DGKI: variants seen among roughly 807,000 people sequenced by gnomAD.
The protein encoded by DGKI is diacylglycerol kinase iota.
DGKI carries 55 observed loss-of-function variants against 147.5 expected under a neutral mutation model. The observed-to-expected ratio is 0.37, with a 90% CI of 0.30 to 0.47. The LOEUF is 0.47. Among genes scored for constraint, DGKI ranks in the 20% least tolerant of loss-of-function variants. The probability of loss-of-function intolerance (pLI) is 1.00; values close to 1 mark genes in which losing one functional copy is unlikely to be tolerated. For synonymous variants in DGKI, 469 were observed against 477.1 expected, an observed-to-expected ratio of 0.98 and a Z score of 0.22; for missense variants, 1,007 against 1,323.8, an observed-to-expected ratio of 0.76 and a Z score of 3.71.
intron 6 of DGKI, among the ~76,000 whole-genome samples, chr7:137,638,366 C>T (rs1821405803): frequency 6.8e-6 from 1 of 147,354 alleles, no homozygotes; most frequent in Admixed American, 6.9e-5. Context: ...TTCCCCAATG[C>T]TTCTTTTTTT....
intron 1 of DGKI, among the ~76,000 whole-genome samples, chr7:137,816,831 G>A (rs556988743): frequency 6.6e-6 from 1 of 152,276 alleles, no homozygotes; most frequent in African/African-American, 2.4e-5. Flanking sequence ...CAATCCAAAT[G>A]TAAAAAGATC....
At chr7:137,539,205 C>T (rs1389951182) in intron 20 of DGKI, among the ~76,000 whole-genome samples, 4 of 152,156 alleles carry the variant, frequency 2.6e-5, no homozygotes, top group Non-Finnish European at 2.9e-5. Flanking sequence ...GTGGCAGAAA[C>T]TATCATTGCT....
intron 28 of DGKI, among the ~76,000 whole-genome samples, chr7:137,435,445 G>C (rs1813243132): frequency 6.6e-6 from 1 of 152,154 alleles, no homozygotes; most frequent in Non-Finnish European, 1.5e-5. Flanking sequence ...CTGCCAGAGA[G>C]ATGGTAGGAG....
chr7:137,640,299 CAG>C (rs1265180556), intron 6 of DGKI, among the ~76,000 whole-genome samples: 1 of 152,114 alleles, frequency 6.6e-6, no homozygotes, highest in East Asian at 1.9e-4. Flanking sequence ...CTCATAGGAG[CAG>C]AGAGTAGAAC....
chr7:137,426,163 C>A (rs935348519), intron 28 of DGKI, among the ~76,000 whole-genome samples: 2 of 152,164 alleles, frequency 1.3e-5, no homozygotes, highest in African/African-American at 4.8e-5. Context: ...GGTTGGGTTA[C>A]CCACAAAGGG....
chr7:137,462,720 G>GGTTCAT (rs1272760310), intron 27 of DGKI, among the ~76,000 whole-genome samples: 1 of 152,104 alleles, frequency 6.6e-6, no homozygotes, highest in East Asian at 1.9e-4. Flanking sequence ...CAGGTAAACT[G>GGTTCAT]GAAACCAGCC....
chr7:137,450,285 G>A (rs1813901049), intron 27 of DGKI, among the ~76,000 whole-genome samples: 1 of 152,212 alleles, frequency 6.6e-6, no homozygotes, highest in Non-Finnish European at 1.5e-5. Context: ...TAGATGCTAA[G>A]TGCTCTCACA....
intron 16 of DGKI, 47 bp downstream of exon 16, chr7:137,578,223 T>C: frequency 3.0e-6 from 4 of 1,345,504 alleles, no homozygotes; most frequent in Non-Finnish European, 4.3e-6. Context: ...CACAGTGAAT[T>C]GGCAATAAGT....
intron 1 of DGKI, among the ~76,000 whole-genome samples, chr7:137,704,285 A>C (rs1793935574): frequency 6.6e-6 from 1 of 152,218 alleles, no homozygotes; most frequent in Non-Finnish European, 1.5e-5. Flanking sequence ...GCAATGTCTT[A>C]TCAAATAGAG....
intron 1 of DGKI, among the ~76,000 whole-genome samples, chr7:137,788,993 A>G (rs1189149402): frequency 2.0e-5 from 3 of 152,246 alleles, no homozygotes; most frequent in Non-Finnish European, 4.4e-5. Flanking sequence ...ATTTGTTTAA[A>G]TGAATTACAG....
At chr7:137,839,357 A>C (rs1291825171) in intron 1 of DGKI, among the ~76,000 whole-genome samples, 2 of 152,256 alleles carry the variant, frequency 1.3e-5, no homozygotes, top group Admixed American at 6.5e-5. Flanking sequence ...TCATTTTCAT[A>C]TTACCTGAAT....
At position 137,656,506 on chromosome 7, in the gene DGKI, T is replaced by G. The variant is rs1443271353; in HGVS notation, c.641A>C (p.Lys214Thr). The change falls in exon 4 of 33, where the codon AAA becomes ACA. Residue 214 changes from lysine to threonine, a missense_variant. Transcript: ENST00000614521. ...SALRRKCAVC[K>T]IVVHTACIEQ... Reference sequence around the variant, plus strand: ...AATGCAGGCGGTGTGGACGACGATTTTACAGACTGCACACTTCCTCCTGAG... The same window carrying G: ...AATGCAGGCGGTGTGGACGACGATTGTACAGACTGCACACTTCCTCCTGAG... The G allele has an allele frequency of 6.2e-7, 1 of 1,614,202 alleles. No individual in the cohort carries two copies. Among genetic ancestry groups the G allele is most frequent in the Admixed American group, 1.7e-5 (1 of 60,034 alleles).
intron 10 of DGKI, among the ~76,000 whole-genome samples, chr7:137,607,363 T>C (rs1820216450): frequency 6.6e-6 from 1 of 152,222 alleles, no homozygotes; most frequent in African/African-American, 2.4e-5. Context: ...AAATTCATTT[T>C]AAGCTTCCTT....
At chr7:137,437,473 A>G (rs1004876367) in intron 28 of DGKI, among the ~76,000 whole-genome samples, 37 of 152,208 alleles carry the variant, frequency 2.4e-4, no homozygotes, top group Non-Finnish European at 1.5e-5. Flanking sequence ...GAAGGAAATT[A>G]TAAAACTCTA....
chr7:137,464,256 CAAAAAAAAA>C lies in DGKI; in HGVS notation c.2613-654_2613-646del, dbSNP rs58290482. 1.1e-3 allele frequency among the ~76,000 whole-genome samples: 51 copies of C among 47,784 alleles called. 1 individual carries two copies. The highest frequency in any genetic ancestry group is 2.0e-3 in the African/African-American group (50 of 24,440). The allele number at this position is 47,784 out of a possible 152,430, so 31.3% of individuals were successfully genotyped here. On this transcript the variant is annotated intron_variant, in intron 26 of 32. Transcript: ENST00000614521. ...TGGGTGACAGAGCGAGACTCCATCT[CAAAAAAAAA>C]AAAAAAAAAAAAAGGAAAAGAAAAA...
chr7:137,628,047 T>C (rs1376092153), intron 6 of DGKI, among the ~76,000 whole-genome samples: 1 of 152,206 alleles, frequency 6.6e-6, no homozygotes, highest in African/African-American at 2.4e-5. Context: ...AGTGCTTTTA[T>C]TGCCAAGATC....
At chr7:137,466,264 A>G (rs1395821557) in intron 25 of DGKI, among the ~76,000 whole-genome samples, 1 of 152,230 alleles carries the variant, frequency 6.6e-6, no homozygotes, top group Non-Finnish European at 1.5e-5. Flanking sequence ...TCTTAGATAT[A>G]TCTAGAAATG....
At chr7:137,552,228 T>G in intron 20 of DGKI, 141 bp downstream of exon 20, 2 of 760,976 alleles carry the variant, frequency 2.6e-6, no homozygotes, top group Non-Finnish European at 4.2e-6. Flanking sequence ...TGTGTTCCTA[T>G]GAGAGAAACC....
chr7:137,807,933 G>T (rs187406921), intron 1 of DGKI, among the ~76,000 whole-genome samples: 3 of 152,124 alleles, frequency 2.0e-5, no homozygotes, highest in Non-Finnish European at 2.9e-5. Flanking sequence ...CCTCCAGAGC[G>T]AATATAGGTG....
Sources: gnomAD v4.1 joint callset for allele counts (sites outside exome capture counted in the v4.1 genomes callset) on GRCh38, gnomAD v4.1.1 for gene constraint, MANE v1.5 for transcripts, NCBI Gene and HGNC (gene_info 2026-07-23, HGNC 2026-07-21) for gene names.